Variants in AZIN1 observed in about 807,000 individuals in gnomAD.
The protein encoded by AZIN1 is antizyme inhibitor 1, also known as ornithine decarboxylase antizyme inhibitor.
A neutral mutation model predicts 47.4 loss-of-function variants in AZIN1; 12 were observed. The observed-to-expected ratio is 0.25, with a 90% CI of 0.16 to 0.41. The LOEUF (loss-of-function observed/expected upper bound fraction) is 0.41. Ranked by LOEUF, AZIN1 falls within the 10% of genes least tolerant of loss-of-function variation. The probability of loss-of-function intolerance (pLI) is 1.00; values close to 1 mark genes in which losing one functional copy is unlikely to be tolerated. For missense variants in AZIN1, 410 were observed against 532.4 expected (o/e 0.77, Z 2.26); for synonymous variants, 155 against 176.3 (o/e 0.88, Z 0.96).
At chr8:102,851,738 G>C (rs777721244) in intron 2 of AZIN1, among the ~76,000 whole-genome samples, 16 of 152,102 alleles carry the variant, frequency 1.1e-4, no homozygotes, top group Non-Finnish European at 1.9e-4. Flanking sequence ...TAATATCTCA[G>C]AGGCCCCTGT....
Position 102,860,750 on chromosome 8 carries a change from C to T in AZIN1, c.-233-2600G>A, listed in dbSNP as rs75518149. 1.4e-3 allele frequency among the ~76,000 whole-genome samples: 216 copies of T among 152,266 alleles called. 3 individuals carry two copies. The East Asian group carries it at 0.036, about 25-fold the overall frequency. On this transcript the variant is annotated intron_variant, in intron 1 of 11. Coordinates refer to ENST00000337198, the MANE Select transcript of AZIN1 (RefSeq NM_148174.4). The stretch of plus-strand genomic sequence containing the variant: ...ACTTAGTATCTCAAAATTATCAGTA[C>T]GTCTCTGAAAACACAATGCCTTTAC...
chr8:102,843,460 C>T (rs987495527), intron 3 of AZIN1, 91 bp downstream of exon 3: 1 of 1,142,452 alleles, frequency 8.8e-7, no homozygotes, highest in Non-Finnish European at 1.3e-6. Flanking sequence ...GAACCAAGTA[C>T]TTCTGATCAG....
intron 2 of AZIN1, among the ~76,000 whole-genome samples, chr8:102,844,393 G>A (rs1286797438): frequency 6.6e-6 from 1 of 152,006 alleles, no homozygotes; most frequent in Non-Finnish European, 1.5e-5. Flanking sequence ...AAAAATGGGT[G>A]AGAGTGGAGG....
chr8:102,862,864 T>C (rs997375012), intron 1 of AZIN1, among the ~76,000 whole-genome samples: 5 of 152,240 alleles, frequency 3.3e-5, no homozygotes, highest in African/African-American at 1.2e-4. Context: ...AGCAGCTTTG[T>C]CTACGAAACA....
At chr8:102,847,574 T>C (rs1586187427) in intron 2 of AZIN1, among the ~76,000 whole-genome samples, 1 of 151,512 alleles carries the variant, frequency 6.6e-6, no homozygotes, top group Admixed American at 6.6e-5. Context: ...TTTCCCATTT[T>C]TTTTTTTTTT....
intron 2 of AZIN1, among the ~76,000 whole-genome samples, chr8:102,853,338 A>G (rs945236107): frequency 1.3e-5 from 2 of 152,224 alleles, no homozygotes; most frequent in African/African-American, 4.8e-5. Context: ...CCCTGTCTCT[A>G]CTAGAAATAC....
In AZIN1 at chr8:102,845,776, C is replaced by T. The variant is rs369894402; in HGVS notation, c.-95-2029G>A. Among the ~76,000 whole-genome samples the T allele has an allele frequency of 1.3e-4, 20 of 151,952 alleles. No homozygotes were observed. The East Asian group carries it at 2.9e-3, about 22-fold the overall frequency. ...CTTACTATTAATAAATGAAAAAATA[C>T]GAAATCAAGACTTTTGGCCTAAATA... On this transcript the variant is annotated intron_variant, in intron 2 of 11. Transcript: ENST00000337198.
intron 3 of AZIN1, among the ~76,000 whole-genome samples, chr8:102,843,117 A>G (rs978105066): frequency 9.3e-5 from 14 of 150,834 alleles, no homozygotes; most frequent in African/African-American, 3.2e-4. Flanking sequence ...CTGAGAGAGA[A>G]CTGCTTGAGC....
chr8:102,862,757 G>A (rs938880935), intron 1 of AZIN1, among the ~76,000 whole-genome samples: 1 of 152,160 alleles, frequency 6.6e-6, no homozygotes. Flanking sequence ...ACGGGACACA[G>A]AACTAATATA....
At chr8:102,850,117 G>C (rs545215157) in intron 2 of AZIN1, 2 of 152,326 alleles carry the variant, frequency 1.3e-5, no homozygotes, top group African/African-American at 4.8e-5. Context: ...ATGAATATGA[G>C]TCTTGGATTT....
intron 1 of AZIN1, among the ~76,000 whole-genome samples, chr8:102,862,261 C>T (rs1813721959): frequency 6.6e-6 from 1 of 152,136 alleles, no homozygotes; most frequent in Admixed American, 6.5e-5. Context: ...CGGTACTGAG[C>T]TCTATTTAAT....
At position 102,849,643 on chromosome 8, in the gene AZIN1, T is replaced by TA. The variant is rs542374773; in HGVS notation, c.-95-5897dup. Among the ~76,000 whole-genome samples, 748 of 152,340 alleles carry TA rather than the reference T, an allele frequency of 4.9e-3. 9 individuals carry two copies. The highest frequency in any genetic ancestry group is 4.2e-3 in the Non-Finnish European group (286 of 68,032). On this transcript the variant is annotated intron_variant, in intron 2 of 11. Transcript: ENST00000337198. ...TCAATAGACACTAGAAAGTATTCTC[T>TA]ACTCACAAGCACTTTTAAGCTATTT...
chr8:102,847,742 C>T (rs1054760908), intron 2 of AZIN1, among the ~76,000 whole-genome samples: 6 of 152,034 alleles, frequency 3.9e-5, no homozygotes, highest in Admixed American at 6.6e-5. Context: ...GCCATCATGT[C>T]CAGCTAATTT....
chr8:102,859,156 G>C (rs1361245136), intron 1 of AZIN1: 1 of 152,108 alleles, frequency 6.6e-6, no homozygotes, highest in Non-Finnish European at 1.5e-5. Context: ...CATGCTCAAT[G>C]AATGACATTT....
At chr8:102,840,457 T>C (rs1269889496) in intron 3 of AZIN1, among the ~76,000 whole-genome samples, 2 of 152,168 alleles carry the variant, frequency 1.3e-5, no homozygotes, top group Non-Finnish European at 2.9e-5. Context: ...TATCCTCCCA[T>C]GTTAGGCCTC....
intron 8 of AZIN1, among the ~76,000 whole-genome samples, chr8:102,833,596 G>A (rs904538628): frequency 2.6e-5 from 4 of 151,986 alleles, no homozygotes; most frequent in South Asian, 2.1e-4. Context: ...CAGGTGTGAC[G>A]TGTATCTGGC....
At chr8:102,842,655 C>T (rs1382493718) in intron 3 of AZIN1, among the ~76,000 whole-genome samples, 3 of 149,630 alleles carry the variant, frequency 2.0e-5, no homozygotes, top group Non-Finnish European at 4.4e-5. Flanking sequence ...TGCAGTGAGC[C>T]GAGATACTGC....
At chr8:102,862,142 TTTAGG>T (rs1813712624) in intron 1 of AZIN1, among the ~76,000 whole-genome samples, 1 of 152,010 alleles carries the variant, frequency 6.6e-6, no homozygotes, top group East Asian at 1.9e-4. Flanking sequence ...TGACAAAAGG[TTTAGG>T]TTACACAGCT....
chr8:102,833,036 C>A lies in AZIN1; in HGVS notation c.904+20G>T. ...CAATTATCTACCAACAAAAATAAAA[C>A]TATAAACTTTATAACTTACCTCCAG... On this transcript the variant is annotated intron_variant, in intron 9 of 11. Coordinates refer to ENST00000337198, the MANE Select transcript of AZIN1 (RefSeq NM_148174.4). 6.3e-7 allele frequency: 1 copy of A among 1,577,352 alleles called. No homozygotes were observed. Among genetic ancestry groups the A allele is most frequent in the Non-Finnish European group, 8.7e-7 (1 of 1,150,222 alleles).
Sources: allele counts gnomAD v4.1 joint callset (sites outside exome capture counted in the v4.1 genomes callset), GRCh38; gene constraint gnomAD v4.1.1; transcripts MANE v1.5; gene names NCBI Gene and HGNC (gene_info 2026-07-23, HGNC 2026-07-21).